YEATS2: variants seen among roughly 807,000 people sequenced by gnomAD.
YEATS2 encodes YEATS domain containing 2.
Under a neutral mutation model 163.2 loss-of-function variants are expected in YEATS2, and 77 were observed. The observed-to-expected ratio is 0.47, with a 90% CI of 0.39 to 0.57. The LOEUF (loss-of-function observed/expected upper bound fraction) is 0.57, where lower values mean the gene tolerates loss of function less well. YEATS2 is among the 20% of genes least tolerant of loss of function. YEATS2 has a pLI of 0.00. For synonymous variants in YEATS2, 631 were observed against 645.1 expected, an observed-to-expected ratio of 0.98 and a Z score of 0.33; for missense variants, 1,549 against 1,729.8, an observed-to-expected ratio of 0.90 and a Z score of 1.85.
intron 27 of YEATS2, 146 bp from the exon 28 acceptor site, chr3:183,806,720 T>C: frequency 1.3e-6 from 1 of 748,418 alleles, no homozygotes; most frequent in Non-Finnish European, 2.2e-6. Context: ...TTCTCATCAT[T>C]ATAGATCCAT....
intron 19 of YEATS2, among the ~76,000 whole-genome samples, chr3:183,782,758 T>C (rs1723698917): frequency 6.6e-6 from 1 of 152,230 alleles, no homozygotes; most frequent in African/African-American, 2.4e-5. Context: ...GATTCCACTT[T>C]CCTGTTGATG....
chr3:183,794,740 T>C lies in YEATS2; in HGVS notation c.3098-3183T>C, dbSNP rs556545716. Among the ~76,000 whole-genome samples the C allele has an allele frequency of 5.9e-5, 9 of 152,256 alleles. 1 individual carries two copies. The East Asian group carries it at 1.7e-3, about 29-fold the overall frequency. Reference sequence around the variant, plus strand: ...AAGTCAAAAACTCCAAAGTCAACCATTGTAAGGGAACATCTGTATAGGGAA... The same window carrying C: ...AAGTCAAAAACTCCAAAGTCAACCACTGTAAGGGAACATCTGTATAGGGAA... On this transcript the variant is annotated intron_variant, in intron 21 of 30. Coordinates refer to ENST00000305135, the MANE Select transcript of YEATS2 (RefSeq NM_018023.5).
Position 183,789,992 on chromosome 3 carries a change from A to G in YEATS2, c.2914-805A>G, listed in dbSNP as rs909380876. ...TTGAATGATGTGGCTTGACTTCTCA[A>G]GCTTCATCTCCTGCAGCTGCTGCTT... On this transcript the variant is annotated intron_variant, in intron 20 of 30. Coordinates refer to ENST00000305135, the MANE Select transcript of YEATS2 (RefSeq NM_018023.5). 2.6e-5 allele frequency among the ~76,000 whole-genome samples: 4 copies of G among 152,150 alleles called. No homozygotes were observed. In the South Asian group the frequency reaches 8.3e-4, roughly 32 times the overall value.
At chr3:183,781,071 A>G (rs763157972) in intron 19 of YEATS2, among the ~76,000 whole-genome samples, 4 of 152,228 alleles carry the variant, frequency 2.6e-5, no homozygotes, top group Non-Finnish European at 5.9e-5. Flanking sequence ...AATACAAATG[A>G]CAATTTTATT....
At chr3:183,723,046 C>T (rs939368045) in intron 5 of YEATS2, among the ~76,000 whole-genome samples, 3 of 152,240 alleles carry the variant, frequency 2.0e-5, no homozygotes, top group African/African-American at 4.8e-5. Flanking sequence ...AACCTTCTAG[C>T]TCGGCAATTC....
At chr3:183,724,191 G>A (rs16858031) in intron 5 of YEATS2, among the ~76,000 whole-genome samples, 6,770 of 152,142 alleles carry the variant, frequency 0.044, 389 homozygotes, top group East Asian at 0.14. Context: ...GCAGATGTAT[G>A]TGACTATTAA....
chr3:183,722,491 G>T (rs968800279), intron 5 of YEATS2, among the ~76,000 whole-genome samples: 1 of 151,746 alleles, frequency 6.6e-6, no homozygotes, highest in Middle Eastern at 3.2e-3. Flanking sequence ...GGATTTCACC[G>T]TGTTAGCCAG....
intron 7 of YEATS2, among the ~76,000 whole-genome samples, chr3:183,734,832 T>C (rs933858220): frequency 7.2e-5 from 11 of 152,170 alleles, no homozygotes; most frequent in African/African-American, 2.7e-4. Flanking sequence ...TTAATCCCCA[T>C]AGTCTTATGG....
intron 9 of YEATS2, among the ~76,000 whole-genome samples, chr3:183,748,745 C>G (rs1318621625): frequency 6.6e-6 from 1 of 151,660 alleles, no homozygotes; most frequent in African/African-American, 2.4e-5. Context: ...GACTGTACAC[C>G]TGCACTAGCA....
At chr3:183,772,270 C>G in intron 15 of YEATS2, 35 bp from the exon 16 acceptor site, 1 of 1,608,906 alleles carries the variant, frequency 6.2e-7, no homozygotes, top group Non-Finnish European at 8.5e-7. Flanking sequence ...TAAGAGCTCT[C>G]GAAGCACCGT....
Position 183,719,896 on chromosome 3 carries a change from A to G in YEATS2, c.291+1304A>G, listed in dbSNP as rs547176329. ...TTTTAAGATTTAAAATGGTCCTCCT[A>G]CCTTTTTCCCTCCATGATCCTGACT... On this transcript the variant is annotated intron_variant, in intron 4 of 30. Transcript: ENST00000305135. Among the ~76,000 whole-genome samples the G allele has an allele frequency of 2.0e-5, 3 of 152,162 alleles. No individual in the cohort carries two copies. In the South Asian group the frequency reaches 6.2e-4, roughly 32 times the overall value.
chr3:183,795,980 G>GT (rs11287278), intron 21 of YEATS2, among the ~76,000 whole-genome samples: 26 of 80,368 alleles, frequency 3.2e-4, no homozygotes, highest in African/African-American at 7.8e-4. Context: ...TTGATGCTGG[G>GT]TTTTTTTTTT....
chr3:183,777,009 A>G (rs1157118263), intron 18 of YEATS2, among the ~76,000 whole-genome samples: 1 of 152,148 alleles, frequency 6.6e-6, no homozygotes. Flanking sequence ...CCTGCCTTAA[A>G]GATTTCTACT....
chr3:183,776,866 C>T (rs777482087), intron 18 of YEATS2, among the ~76,000 whole-genome samples: 1 of 151,446 alleles, frequency 6.6e-6, no homozygotes, highest in Non-Finnish European at 1.5e-5. Flanking sequence ...GCAGGAGAAT[C>T]ACTTGAACCC....
chr3:183,722,233 C>T, intron 5 of YEATS2, 97 bp downstream of exon 5: 13 of 1,176,976 alleles, frequency 1.1e-5, no homozygotes, highest in South Asian at 7.7e-5. Flanking sequence ...TCACAGGAAT[C>T]TTAGGAAATA....
chr3:183,705,993 C>G lies in YEATS2; in HGVS notation c.-20+8000C>G, dbSNP rs906061902. Reference sequence around the variant, plus strand: ...GGCGGAGCTTGTAGTGAGCCAAGATCGCACCACTGCACTCCATCCTGGGTG... The same window carrying G: ...GGCGGAGCTTGTAGTGAGCCAAGATGGCACCACTGCACTCCATCCTGGGTG... On this transcript the variant is annotated intron_variant, in intron 1 of 30. Transcript: ENST00000305135. 3.3e-5 allele frequency among the ~76,000 whole-genome samples: 5 copies of G among 150,942 alleles called. No homozygotes were observed. The East Asian group carries it at 9.8e-4, about 30-fold the overall frequency.
At chr3:183,768,561 A>G (rs965615992) in intron 15 of YEATS2, among the ~76,000 whole-genome samples, 1 of 152,158 alleles carries the variant, frequency 6.6e-6, no homozygotes, top group African/African-American at 2.4e-5. Flanking sequence ...TCTTTCATAA[A>G]TATACAGAAA....
intron 19 of YEATS2, among the ~76,000 whole-genome samples, chr3:183,784,966 G>C (rs537161170): frequency 6.6e-6 from 1 of 152,002 alleles, no homozygotes; most frequent in Admixed American, 6.6e-5. Context: ...GCAGCTACTC[G>C]GGAGGCTGAG....
intron 10 of YEATS2, among the ~76,000 whole-genome samples, chr3:183,753,847 AAAATGGAGGAACATAAG>A (rs1342590753): frequency 9.2e-5 from 14 of 152,346 alleles, no homozygotes; most frequent in African/African-American, 3.4e-4. Context: ...TATATATTAA[AAAATGGAGGAACATAAG>A]AACTTTTGTT....
Sources: gnomAD v4.1 joint callset for allele counts (sites outside exome capture counted in the v4.1 genomes callset) on GRCh38, gnomAD v4.1.1 for gene constraint, MANE v1.5 for transcripts, NCBI Gene and HGNC (gene_info 2026-07-23, HGNC 2026-07-21) for gene names.